KCNH7: variants seen among roughly 807,000 people sequenced by gnomAD.
KCNH7 encodes potassium voltage-gated channel subfamily H member 7, also known as voltage-gated inwardly rectifying potassium channel KCNH7.
Under a neutral mutation model 120.8 loss-of-function variants are expected in KCNH7, and 49 were observed. That is an observed-to-expected ratio of 0.41 (90% confidence interval 0.32 to 0.51). The LOEUF is 0.51. KCNH7 is among the 20% of genes least tolerant of loss of function. The pLI, the probability that KCNH7 is intolerant of heterozygous loss-of-function variation, is 0.38. For missense variants in KCNH7, 1,097 were observed against 1,446.6 expected, an observed-to-expected ratio of 0.76 and a Z score of 3.92; for synonymous variants, 547 against 516.1, an observed-to-expected ratio of 1.06 and a Z score of -0.81.
intron 6 of KCNH7, among the ~76,000 whole-genome samples, chr2:162,482,999 T>C (rs540482383): frequency 6.6e-6 from 1 of 152,146 alleles, no homozygotes; most frequent in African/African-American, 2.4e-5. Flanking sequence ...TATTCTGGAT[T>C]TATTCTCAAG....
chr2:162,437,772 T>G (rs1457102487), intron 7 of KCNH7, among the ~76,000 whole-genome samples: 2 of 152,168 alleles, frequency 1.3e-5, no homozygotes, highest in Non-Finnish European at 2.9e-5. Flanking sequence ...AACTTTATGT[T>G]GTGAAATGGG....
At position 162,400,375 on chromosome 2, in the gene KCNH7, G is replaced by T; in HGVS notation, c.2221C>A (p.Gln741Lys). Reference protein sequence around the residue: ...ICLHLNQTLLQNCKAFRGASK... With the variant: ...ICLHLNQTLLKNCKAFRGASK... ...GCCCCCCGAAAGGCTTTGCAGTTTT[G>T]CAGCAATGTCTGGTTGAGATGTAGA... Residue 741 changes from glutamine (Q) to lysine (K), a missense_variant, in exon 10 of 16, where the codon CAA (glutamine) becomes AAA (lysine). By Grantham distance (53) the Gln-to-Lys change is moderately conservative. This residue lies in a region of KCNH7 where 101 missense variants were observed against 176.3 expected (regional missense o/e 0.57). Transcript: ENST00000332142. 1 of 1,612,358 alleles carries T rather than the reference G, an allele frequency of 6.2e-7. No individual in the cohort carries two copies. The highest frequency in any genetic ancestry group is 8.5e-7 in the Non-Finnish European group (1 of 1,178,920).
chr2:162,802,413 A>G (rs2105546034), intron 2 of KCNH7, among the ~76,000 whole-genome samples: 1 of 151,676 alleles, frequency 6.6e-6, no homozygotes, highest in South Asian at 2.1e-4. Context: ...CTTTTGTTAA[A>G]CTTCTGCCAA....
intron 2 of KCNH7, among the ~76,000 whole-genome samples, chr2:162,817,788 T>C (rs10930070): frequency 0.54 from 81,763 of 151,846 alleles, 22,527 homozygotes; most frequent in South Asian, 0.72. Flanking sequence ...CTTTAAATTA[T>C]ACTTCCAGTT....
chr2:162,533,204 A>C (rs1286198891), intron 3 of KCNH7, among the ~76,000 whole-genome samples: 4 of 151,814 alleles, frequency 2.6e-5, no homozygotes, highest in African/African-American at 9.7e-5. Flanking sequence ...ACCAGAATAA[A>C]ACAACAACAA....
At chr2:162,811,898 A>T (rs934161079) in intron 2 of KCNH7, among the ~76,000 whole-genome samples, 5 of 152,170 alleles carry the variant, frequency 3.3e-5, no homozygotes, top group Non-Finnish European at 7.4e-5. Flanking sequence ...GTATAAAGGG[A>T]TAAAAAAATT....
At chr2:162,767,843 T>C (rs1028076187) in intron 2 of KCNH7, among the ~76,000 whole-genome samples, 3 of 152,168 alleles carry the variant, frequency 2.0e-5, no homozygotes, top group East Asian at 1.9e-4. Flanking sequence ...TAAATTAATA[T>C]GAACAAATTT....
At chr2:162,584,213 T>C (rs73026657) in intron 2 of KCNH7, among the ~76,000 whole-genome samples, 4,273 of 152,226 alleles carry the variant, frequency 0.028, 223 homozygotes, top group African/African-American at 0.098. Flanking sequence ...TGCTGTTTGA[T>C]GATGTAATTT....
intron 3 of KCNH7, among the ~76,000 whole-genome samples, chr2:162,520,598 T>TA (rs1055872907): frequency 1.3e-5 from 2 of 151,464 alleles, no homozygotes; most frequent in East Asian, 3.9e-4. Context: ...CCCATCTCTA[T>TA]AAAAAAACAA....
rs140002234 is a variant in KCNH7 at position 162,760,664 on chromosome 2, T to C, written c.307+75873A>G. ...CTAGTATTCTTAATGCGATCAAAAG[T>C]AGTGAATCACTTGTCTTTAACCTAA... On this transcript the variant is annotated intron_variant, in intron 2 of 15. Transcript: ENST00000332142. Among the ~76,000 whole-genome samples, 519 of 152,220 alleles carry C rather than the reference T, an allele frequency of 3.4e-3. 3 individuals are homozygous for C. The highest frequency in any genetic ancestry group is 0.011 in the African/African-American group (474 of 41,570).
At chr2:162,776,694 C>T (rs1574374661) in intron 2 of KCNH7, among the ~76,000 whole-genome samples, 1 of 152,138 alleles carries the variant, frequency 6.6e-6, no homozygotes, top group East Asian at 1.9e-4. Context: ...TCCAGGGGAC[C>T]TGACTGTACT....
chr2:162,694,342 C>A (rs1193164252), intron 2 of KCNH7, among the ~76,000 whole-genome samples: 2 of 152,168 alleles, frequency 1.3e-5, no homozygotes, highest in Admixed American at 1.3e-4. Flanking sequence ...CGAACTCAGA[C>A]TGTTCTCCTC....
At chr2:162,827,244 A>C (rs1258066413) in intron 2 of KCNH7, among the ~76,000 whole-genome samples, 1 of 152,072 alleles carries the variant, frequency 6.6e-6, no homozygotes, top group Non-Finnish European at 1.5e-5. Context: ...CTTGCCAGGA[A>C]ATAAAACTTT....
At chr2:162,681,543 C>T (rs1685710509) in intron 2 of KCNH7, among the ~76,000 whole-genome samples, 1 of 151,686 alleles carries the variant, frequency 6.6e-6, no homozygotes, top group Non-Finnish European at 1.5e-5. Context: ...ACAGACTTCT[C>T]CTTCAGCCCT....
chr2:162,751,817 T>A (rs768223725), intron 2 of KCNH7, among the ~76,000 whole-genome samples: 2 of 151,904 alleles, frequency 1.3e-5, no homozygotes, highest in African/African-American at 4.8e-5. Flanking sequence ...TGATGTTATA[T>A]TTGCCTAAGA....
At chr2:162,819,610 A>G (rs1251629616) in intron 2 of KCNH7, among the ~76,000 whole-genome samples, 1 of 152,200 alleles carries the variant, frequency 6.6e-6, no homozygotes, top group Non-Finnish European at 1.5e-5. Context: ...AGGAAGAACC[A>G]TGCTAATCTG....
intron 2 of KCNH7, among the ~76,000 whole-genome samples, chr2:162,782,995 G>A (rs545118012): frequency 4.8e-4 from 73 of 152,308 alleles, no homozygotes; most frequent in Non-Finnish European, 8.5e-4. Flanking sequence ...ATGGACAGAT[G>A]CAGAGACACC....
chr2:162,795,280 T>C (rs534473611), intron 2 of KCNH7: 1 of 152,184 alleles, frequency 6.6e-6, no homozygotes, highest in Admixed American at 6.6e-5. Context: ...TTGAAGACTT[T>C]ATACTTTCAG....
intron 2 of KCNH7, among the ~76,000 whole-genome samples, chr2:162,665,534 C>T (rs375417002): frequency 7.9e-5 from 12 of 152,182 alleles, no homozygotes; most frequent in South Asian, 2.1e-4. Context: ...TTTGTCATTT[C>T]ATAAATGGAG....
Sources: allele counts gnomAD v4.1 joint callset (sites outside exome capture counted in the v4.1 genomes callset), GRCh38; gene constraint gnomAD v4.1.1; regional missense constraint gnomAD v4.1.1; transcripts MANE v1.5; gene names NCBI Gene and HGNC (gene_info 2026-07-23, HGNC 2026-07-21).